ZNF432: variants seen among roughly 807,000 people sequenced by gnomAD.
ZNF432 encodes the protein zinc finger protein 432.
In ZNF432, 10 loss-of-function variants were observed where a neutral mutation model predicts 13.9. That is an observed-to-expected ratio of 0.72 (90% CI 0.44 to 1.22). ZNF432 has a LOEUF of 1.22. Among genes scored for constraint, ZNF432 ranks in the 50% most tolerant of loss-of-function variants. The pLI, the probability that ZNF432 is intolerant of heterozygous loss-of-function variation, is 0.00. For missense variants in ZNF432, 793 were observed against 796.2 expected, an observed-to-expected ratio of 1.00 and a Z score of 0.05; for synonymous variants, 247 against 256.2, an observed-to-expected ratio of 0.96 and a Z score of 0.34.
intron 1 of ZNF432, among the ~76,000 whole-genome samples, chr19:52,047,570 C>T (rs1007237022): frequency 2.6e-5 from 4 of 151,246 alleles, no homozygotes; most frequent in Non-Finnish European, 5.9e-5. Context: ...CCCAGCTACT[C>T]GGAGACTGAG....
chr19:52,046,007 CAAAAAA>C (rs201110474), intron 2 of ZNF432, among the ~76,000 whole-genome samples: 6 of 87,064 alleles, frequency 6.9e-5, no homozygotes, highest in African/African-American at 2.1e-4. Flanking sequence ...AAACAAAAAC[CAAAAAA>C]AAAAAAAAAA....
At position 52,032,612 on chromosome 19, in the gene ZNF432, T is replaced by G. The variant is rs1388738514; in HGVS notation, c.*1108A>C. The G allele has an allele frequency of 6.6e-6, 1 of 152,084 alleles. No individual in the cohort carries two copies. The highest frequency in any genetic ancestry group is 1.5e-5 in the Non-Finnish European group (1 of 68,028). 9.4% of individuals were successfully genotyped at this position (152,084 alleles called of 1,614,324 possible). On this transcript the variant is annotated 3_prime_UTR_variant, in exon 5 of 5. Transcript: ENST00000221315. ...CACCATGCTCGGCTAATTTTGTATT[T>G]TTAGTAGAGAGGGGGGCTTCACCAT...
intron 2 of ZNF432, among the ~76,000 whole-genome samples, chr19:52,042,120 A>G (rs1391337152): frequency 6.6e-6 from 1 of 152,242 alleles, no homozygotes; most frequent in African/African-American, 2.4e-5. Context: ...CATTAAATAT[A>G]TATGTATGCA....
chr19:52,041,065 C>T (rs868530174), intron 3 of ZNF432, among the ~76,000 whole-genome samples: 11 of 152,080 alleles, frequency 7.2e-5, no homozygotes, highest in African/African-American at 2.7e-4. Flanking sequence ...GGCACCACTA[C>T]ATTCCAGCCT....
chr19:52,037,005 G>A (rs531399967), intron 4 of ZNF432, among the ~76,000 whole-genome samples: 1 of 152,308 alleles, frequency 6.6e-6, no homozygotes, highest in African/African-American at 2.4e-5. Context: ...TAGAATGAAA[G>A]ATGAAGGTAC....
chr19:52,048,128 A>AACACACACAC (rs3138637), intron 1 of ZNF432, among the ~76,000 whole-genome samples: 6,541 of 103,280 alleles, frequency 0.063, 461 homozygotes, highest in South Asian at 0.081. Flanking sequence ...GTTTGAGCTC[A>AACACACACAC]ACACACACAC....
At chr19:52,044,919 T>C (rs2087167225) in intron 2 of ZNF432, among the ~76,000 whole-genome samples, 1 of 152,208 alleles carries the variant, frequency 6.6e-6, no homozygotes, top group African/African-American at 2.4e-5. Flanking sequence ...AAGGTAGGGG[T>C]GTCCAATCTT....
chr19:52,034,194 A>G lies in ZNF432; in HGVS notation c.1485T>C (p.Ile495=). The change falls in exon 5 of 5, where the codon ATT becomes ATC. Residue 495 remains isoleucine, a synonymous_variant. Transcript: ENST00000221315. ...YRCSECGKGF[I]VNSGLMLHQR... ...GATGTAACATCAGTCCGCTATTCAC[A>G]ATGAAACCTTTCCCACATTCACTGC... 1 of 1,613,650 alleles carries G rather than the reference A, an allele frequency of 6.2e-7. No individual in the cohort carries two copies. The highest frequency in any genetic ancestry group is 8.5e-7 in the Non-Finnish European group (1 of 1,179,920).
intron 4 of ZNF432, among the ~76,000 whole-genome samples, chr19:52,039,854 AAAG>A: frequency 6.6e-6 from 1 of 151,572 alleles, no homozygotes; most frequent in African/African-American, 2.4e-5. Flanking sequence ...AAAGAAAAGA[AAAG>A]AAAAAGAAAG....
chr19:52,048,715 C>A lies in ZNF432; in HGVS notation c.-213G>T. On this transcript the variant is annotated 5_prime_UTR_variant, in exon 1 of 5. Transcript: ENST00000221315. The stretch of plus-strand genomic sequence containing the variant: ...CTGACCTGACTCTCCTTGGAATCGC[C>A]GCGACCTCTTAAAAGCTGAACTTAC... 6.5e-6 allele frequency: 1 copy of A among 153,000 alleles called. No individual in the cohort carries two copies. The allele number at this position is 153,000 out of a possible 1,614,324, so 9.5% of individuals were successfully genotyped here.
At chr19:52,037,705 G>A (rs1387797127) in intron 4 of ZNF432, among the ~76,000 whole-genome samples, 1 of 150,158 alleles carries the variant, frequency 6.7e-6, no homozygotes, top group Non-Finnish European at 1.5e-5. Context: ...TGGGAGGATC[G>A]CTTGAGCCCA....
At position 52,034,308 on chromosome 19, in the gene ZNF432, GTA is replaced by G. The variant is rs1201912899; in HGVS notation, c.1369_1370del (p.Tyr457HisfsTer4). ...AGCCTTTCCCACATTCACTGCATGT[GTA>G]GGGCTTCTCTCCTGTATGAGTTCGC... ...HQRTHTGEKP[Y>X]TCSECGKGFP... On this transcript the variant is annotated frameshift_variant, in exon 5 of 5. Coordinates refer to ENST00000221315, the MANE Select transcript of ZNF432 (RefSeq NM_014650.4). LOFTEE classifies it low-confidence loss of function (END_TRUNC). The G allele has an allele frequency of 1.9e-6, 3 of 1,609,268 alleles. No homozygotes were observed. The Admixed American group carries it at 5.0e-5, about 27-fold the overall frequency.
In ZNF432 at chr19:52,032,986, AT is replaced by A. The variant is rs2087030231; in HGVS notation, c.*733del. On this transcript the variant is annotated 3_prime_UTR_variant, in exon 5 of 5. Coordinates refer to ENST00000221315, the MANE Select transcript of ZNF432 (RefSeq NM_014650.4). ...GCTGCTAGTATGTGTAAGTTCATTGATGATCTATTATGATCACTGAAGAGAT... is the reference window on the plus strand; with the variant it reads ...GCTGCTAGTATGTGTAAGTTCATTGAGATCTATTATGATCACTGAAGAGAT... 6.6e-6 allele frequency: 1 copy of A among 152,194 alleles called. No individual in the cohort carries two copies. Among genetic ancestry groups the A allele is most frequent in the Non-Finnish European group, 1.5e-5 (1 of 68,030 alleles). 9.4% of individuals were successfully genotyped at this position (152,194 alleles called of 1,614,324 possible).
At chr19:52,036,436 T>C (rs1034874652) in intron 4 of ZNF432, among the ~76,000 whole-genome samples, 4 of 152,180 alleles carry the variant, frequency 2.6e-5, no homozygotes, top group Non-Finnish European at 5.9e-5. Flanking sequence ...GTGAGGAAAG[T>C]GAGGGCTCAA....
At position 52,034,267 on chromosome 19, in the gene ZNF432, C is replaced by T. The variant is rs183343359; in HGVS notation, c.1412G>A (p.Arg471Gln). The T allele has an allele frequency of 2.4e-5, 39 of 1,613,030 alleles. No homozygotes were observed. In the East Asian group the frequency reaches 4.2e-4, roughly 18 times the overall value. The change falls in exon 5 of 5, where the codon CGG becomes CAG. Residue 471 changes from arginine (R) to glutamine (Q), a missense_variant. Transcript: ENST00000221315. ...ECGKGFPLKS[R>Q]LIVHQRTHTG... ...ATGAGTTCGCTGATGTACAATCAGC[C>T]GACTCTTCAAGGGGAAGCCTTTCCC... is the stretch of plus-strand genomic sequence containing the variant.
rs1482172095 is a variant in ZNF432 at position 52,048,182 on chromosome 19, C to CACACACACACACAA, written c.-193+512_-193+513insTTGTGTGTGTGTGT. Among the ~76,000 whole-genome samples the CACACACACACACAA allele has an allele frequency of 1.2e-4, 18 of 146,312 alleles. No individual in the cohort carries two copies. The East Asian group carries it at 1.4e-3, about 11-fold the overall frequency. ...ACACACACACACACACACACACACA[C>CACACACACACACAA]AAAACCAGCCAGGGCTCTTGTGAAA... On this transcript the variant is annotated intron_variant, in intron 1 of 4. Coordinates refer to ENST00000221315, the MANE Select transcript of ZNF432 (RefSeq NM_014650.4).
intron 1 of ZNF432, chr19:52,048,481 A>C (rs532911228): frequency 6.6e-6 from 1 of 152,204 alleles, no homozygotes; most frequent in South Asian, 2.1e-4. Context: ...CAGGCCTTTA[A>C]TCACTGACCA....
chr19:52,035,555 C>T (rs2087073349), intron 4 of ZNF432, 115 bp from the exon 5 acceptor site: 1 of 881,174 alleles, frequency 1.1e-6, no homozygotes, highest in Admixed American at 3.6e-5. Context: ...TTTTTTGAGA[C>T]AGAGTCTCGC....
intron 4 of ZNF432, among the ~76,000 whole-genome samples, chr19:52,037,019 A>C (rs1324026948): frequency 6.6e-6 from 1 of 152,226 alleles, no homozygotes; most frequent in East Asian, 1.9e-4. Context: ...AAGGTACAGA[A>C]CCAAGGTTGT....
Sources: gnomAD v4.1 joint callset for allele counts (sites outside exome capture counted in the v4.1 genomes callset) on GRCh38, gnomAD v4.1.1 for gene constraint, MANE v1.5 for transcripts, NCBI Gene and HGNC (gene_info 2026-07-23, HGNC 2026-07-21) for gene names.